Variants in ITGA9 observed in about 807,000 individuals in gnomAD.
ITGA9 encodes the protein integrin subunit alpha 9, also known as integrin alpha-9.
ITGA9 carries 56 observed loss-of-function variants against 127.8 expected under a neutral mutation model. The observed-to-expected ratio is 0.44, with a 90% CI of 0.35 to 0.55. ITGA9 has a LOEUF of 0.55. Among genes scored for constraint, ITGA9 ranks in the 20% least tolerant of loss-of-function variants. The pLI is 0.00. For missense variants in ITGA9, 1,196 were observed against 1,347.1 expected, an observed-to-expected ratio of 0.89 and a Z score of 1.76; for synonymous variants, 508 against 514.5, an observed-to-expected ratio of 0.99 and a Z score of 0.17.
chr3:37,620,610 A>G (rs1700118692), intron 15 of ITGA9, among the ~76,000 whole-genome samples: 1 of 151,634 alleles, frequency 6.6e-6, no homozygotes, highest in African/African-American at 2.4e-5. Context: ...TGGAGCTTGG[A>G]CCCCCTCTGA....
chr3:37,654,233 A>ACAC (rs1700456123), intron 17 of ITGA9, among the ~76,000 whole-genome samples: 1 of 123,010 alleles, frequency 8.1e-6, no homozygotes, highest in Non-Finnish European at 1.7e-5. Flanking sequence ...CACACACACT[A>ACAC]GTGTATGTTT....
intron 18 of ITGA9, 40 bp downstream of exon 18, chr3:37,684,055 C>T (rs549714668): frequency 7.6e-6 from 12 of 1,572,270 alleles, no homozygotes; most frequent in Non-Finnish European, 1.0e-5. Flanking sequence ...GTTGTTCCAT[C>T]TGGTGCGCTT....
chr3:37,792,204 T>C (rs1575239945), intron 26 of ITGA9, among the ~76,000 whole-genome samples: 1 of 152,212 alleles, frequency 6.6e-6, no homozygotes, highest in East Asian at 1.9e-4. Flanking sequence ...TATTTTCTAA[T>C]GGTCATCATT....
chr3:37,727,235 A>G (rs1239823687), intron 18 of ITGA9, among the ~76,000 whole-genome samples: 2 of 152,210 alleles, frequency 1.3e-5, no homozygotes, highest in Non-Finnish European at 2.9e-5. Flanking sequence ...CAGAAAGTTG[A>G]AAAATCTTAA....
chr3:37,626,975 C>T (rs1196499172), intron 15 of ITGA9, among the ~76,000 whole-genome samples: 2 of 152,150 alleles, frequency 1.3e-5, no homozygotes, highest in Non-Finnish European at 2.9e-5. Flanking sequence ...CATCCTTCTC[C>T]ACACCGCGGG....
intron 16 of ITGA9, among the ~76,000 whole-genome samples, chr3:37,642,038 A>G (rs532763662): frequency 6.6e-6 from 1 of 152,230 alleles, no homozygotes; most frequent in East Asian, 1.9e-4. Context: ...TCCAGGCTCA[A>G]GTGATCCTCC....
At chr3:37,778,521 G>A (rs547300768) in intron 24 of ITGA9, among the ~76,000 whole-genome samples, 77 of 152,032 alleles carry the variant, frequency 5.1e-4, no homozygotes, top group Non-Finnish European at 9.6e-4. Context: ...GGGAGGCTGA[G>A]GCAGGAGAAT....
At chr3:37,654,388 C>T (rs1010148542) in intron 17 of ITGA9, among the ~76,000 whole-genome samples, 4 of 152,208 alleles carry the variant, frequency 2.6e-5, no homozygotes, top group African/African-American at 7.2e-5. Context: ...AACCGTACAG[C>T]GGCCTTCTGT....
intron 26 of ITGA9, among the ~76,000 whole-genome samples, chr3:37,795,849 C>T (rs1385235022): frequency 6.6e-6 from 1 of 152,228 alleles, no homozygotes; most frequent in Non-Finnish European, 1.5e-5. Flanking sequence ...CCGCAGCCCT[C>T]TCACGGGGGC....
At chr3:37,460,933 T>G (rs758372515) in intron 1 of ITGA9, among the ~76,000 whole-genome samples, 13 of 152,030 alleles carry the variant, frequency 8.6e-5, no homozygotes, top group Non-Finnish European at 1.5e-5. Flanking sequence ...ACGGAACAAA[T>G]TTCCTCCATC....
At chr3:37,634,316 A>C (rs1700256601) in intron 16 of ITGA9, among the ~76,000 whole-genome samples, 1 of 148,294 alleles carries the variant, frequency 6.7e-6, no homozygotes, top group Admixed American at 6.7e-5. Context: ...AATGGATTTA[A>C]AAAAAAAAAA....
chr3:37,778,851 G>A (rs1017057298), intron 24 of ITGA9, among the ~76,000 whole-genome samples: 4 of 138,138 alleles, frequency 2.9e-5, no homozygotes, highest in African/African-American at 1.1e-4. Context: ...AAGGGTGACT[G>A]TTTGCCACTT....
chr3:37,620,964 G>T (rs1195218508), intron 15 of ITGA9, among the ~76,000 whole-genome samples: 1 of 152,146 alleles, frequency 6.6e-6, no homozygotes, highest in African/African-American at 2.4e-5. Flanking sequence ...CCAAGTGTTG[G>T]CAGAAGGCAA....
intron 17 of ITGA9, among the ~76,000 whole-genome samples, chr3:37,659,116 C>T (rs1028189965): frequency 6.6e-6 from 1 of 152,124 alleles, no homozygotes; most frequent in African/African-American, 2.4e-5. Flanking sequence ...AACATTTTTT[C>T]CTTCATTTCA....
At chr3:37,604,293 G>A (rs1451024955) in intron 15 of ITGA9, among the ~76,000 whole-genome samples, 4 of 152,192 alleles carry the variant, frequency 2.6e-5, no homozygotes, top group South Asian at 2.1e-4. Context: ...GTCATGAGTC[G>A]AATCTCCCAT....
chr3:37,463,599 C>A (rs1441542530), intron 1 of ITGA9, among the ~76,000 whole-genome samples: 2 of 152,230 alleles, frequency 1.3e-5, no homozygotes, highest in Non-Finnish European at 2.9e-5. Context: ...CCATGCCCCT[C>A]TGCCACATTC....
chr3:37,700,811 T>C (rs774502697), intron 18 of ITGA9, among the ~76,000 whole-genome samples: 7 of 152,248 alleles, frequency 4.6e-5, no homozygotes, highest in South Asian at 2.1e-4. Flanking sequence ...GAGCACTCTT[T>C]CAATTATTGT....
At chr3:37,603,475 G>C (rs552487019) in intron 15 of ITGA9, among the ~76,000 whole-genome samples, 1 of 152,142 alleles carries the variant, frequency 6.6e-6, no homozygotes, top group Non-Finnish European at 1.5e-5. Flanking sequence ...GGTGGTCCTG[G>C]AACCAGTTCC....
intron 18 of ITGA9, among the ~76,000 whole-genome samples, chr3:37,704,804 T>C (rs1700985966): frequency 6.6e-6 from 1 of 152,222 alleles, no homozygotes; most frequent in Admixed American, 6.5e-5. Flanking sequence ...TCCTGCGACA[T>C]GTTCTAGTTT....
Sources: allele counts gnomAD v4.1 joint callset (sites outside exome capture counted in the v4.1 genomes callset), GRCh38; gene constraint gnomAD v4.1.1; transcripts MANE v1.5; gene names NCBI Gene and HGNC (gene_info 2026-07-23, HGNC 2026-07-21).